DACH2: variants seen among roughly 807,000 people sequenced by gnomAD.
The protein encoded by DACH2 is dachshund homolog 2.
DACH2 carries 17 observed loss-of-function variants against 35.8 expected under a neutral mutation model. That is an observed-to-expected ratio of 0.48 (90% CI 0.33 to 0.71). The LOEUF is 0.71. Among genes scored for constraint, DACH2 ranks in the 30% least tolerant of loss-of-function variants. The pLI is 0.02. For synonymous variants in DACH2, 195 were observed against 177.3 expected (o/e 1.10, Z -0.79); for missense variants, 469 against 472.7 (o/e 0.99, Z 0.07).
At chrX:86,720,850 G>A (rs1370771955) in intron 6 of DACH2, among the ~76,000 whole-genome samples, 1 of 112,675 alleles carries the variant, frequency 8.9e-6, no homozygotes, top group African/African-American at 3.2e-5. Flanking sequence ...AACTTCTGCT[G>A]GATATCCAAA....
intron 6 of DACH2, among the ~76,000 whole-genome samples, chrX:86,722,791 C>T (rs1404044913): frequency 9.0e-6 from 1 of 110,916 alleles, no homozygotes; most frequent in African/African-American, 3.3e-5. Flanking sequence ...AGGATATTGG[C>T]CTGTAGTTTC....
chrX:86,482,018 T>A (rs1324915355), intron 2 of DACH2, among the ~76,000 whole-genome samples: 2 of 112,204 alleles, frequency 1.8e-5, no homozygotes, highest in Admixed American at 1.9e-4. Context: ...AAATTTTAAA[T>A]CATGATCAAC....
chrX:86,655,586 T>G (rs1350297322), intron 4 of DACH2, among the ~76,000 whole-genome samples: 1 of 111,489 alleles, frequency 9.0e-6, no homozygotes, highest in Non-Finnish European at 1.9e-5. Flanking sequence ...TGAATATGAT[T>G]CTCAACAAAA....
rs1423625183 is a variant in DACH2 at position 86,832,328 on chromosome X, T to C, written c.*173T>C. The C allele has an allele frequency of 1.4e-5, 6 of 425,472 alleles. No homozygotes were observed. The highest frequency in any genetic ancestry group is 7.9e-6 in the Non-Finnish European group (2 of 252,266). 35.1% of individuals were successfully genotyped at this position (425,472 alleles called of 1,213,427 possible). On this transcript the variant is annotated 3_prime_UTR_variant, in exon 12 of 12. Transcript: ENST00000373125. ...AAACGCGTGTACATTTTAAAAGCAATGATGTAAACTTTGTTCTTGCATTAG... is the reference window on the plus strand; with the variant it reads ...AAACGCGTGTACATTTTAAAAGCAACGATGTAAACTTTGTTCTTGCATTAG...
chrX:86,629,700 T>A (rs1351609952), intron 3 of DACH2, among the ~76,000 whole-genome samples: 3 of 106,809 alleles, frequency 2.8e-5, no homozygotes, highest in African/African-American at 1.0e-4. Context: ...CTGAGCAATA[T>A]GGTGAAACCC....
intron 1 of DACH2, among the ~76,000 whole-genome samples, chrX:86,355,820 G>A (rs370327198): frequency 1.8e-5 from 2 of 111,746 alleles, no homozygotes; most frequent in African/African-American, 6.5e-5. Context: ...TTGGCCACAT[G>A]TAAAGGTCTT....
At chrX:86,725,224 A>G (rs1350536773) in intron 6 of DACH2, among the ~76,000 whole-genome samples, 1 of 110,716 alleles carries the variant, frequency 9.0e-6, no homozygotes, top group African/African-American at 3.3e-5. Flanking sequence ...ACAATTTTTT[A>G]TGGTTTTATT....
Position 86,307,213 on chromosome X carries a change from G to A in DACH2, c.489-69611G>A, listed in dbSNP as rs372341273. Among the ~76,000 whole-genome samples, 18 of 111,946 alleles carry A rather than the reference G, an allele frequency of 1.6e-4. No individual in the cohort carries two copies. In the South Asian group the frequency reaches 6.3e-3, roughly 39 times the overall value. ...AGGATTCTGTCTCCTGGCTTCAGAAGCAGATACTGAGCCTCAAATCTGCTA... is the reference window on the plus strand; with the variant it reads ...AGGATTCTGTCTCCTGGCTTCAGAAACAGATACTGAGCCTCAAATCTGCTA... On this transcript the variant is annotated intron_variant, in intron 1 of 11. Coordinates refer to ENST00000373125, the MANE Select transcript of DACH2 (RefSeq NM_053281.3).
intron 2 of DACH2, among the ~76,000 whole-genome samples, chrX:86,432,112 A>C (rs940108149): frequency 1.8e-5 from 2 of 112,358 alleles, no homozygotes; most frequent in African/African-American, 6.4e-5. Flanking sequence ...CATGCTCAGC[A>C]TGCTGGCTGC....
intron 11 of DACH2, chrX:86,827,755 T>A: frequency 8.6e-7 from 1 of 1,166,148 alleles, no homozygotes; most frequent in Admixed American, 2.6e-5. Flanking sequence ...CTTATTGTTT[T>A]TTCTGTGCAG....
intron 1 of DACH2, among the ~76,000 whole-genome samples, chrX:86,276,416 A>T (rs1483978542): frequency 9.0e-6 from 1 of 111,638 alleles, no homozygotes; most frequent in Non-Finnish European, 1.9e-5. Flanking sequence ...AGCTCCTTAT[A>T]TATTCTTCTT....
intron 6 of DACH2, among the ~76,000 whole-genome samples, chrX:86,735,381 T>C (rs1489876816): frequency 8.9e-6 from 1 of 111,866 alleles, no homozygotes; most frequent in Admixed American, 9.5e-5. Flanking sequence ...AAAAACTAAA[T>C]TTTCTAAACA....
intron 1 of DACH2, among the ~76,000 whole-genome samples, chrX:86,359,957 G>A (rs763579879): frequency 5.5e-5 from 6 of 108,990 alleles, no homozygotes; most frequent in Admixed American, 2.0e-4. Flanking sequence ...ATCACCGCTC[G>A]CTGCAGCCTT....
At chrX:86,485,769 T>A (rs1004340911) in intron 2 of DACH2, among the ~76,000 whole-genome samples, 1 of 111,624 alleles carries the variant, frequency 9.0e-6, no homozygotes, top group Non-Finnish European at 1.9e-5. Context: ...CTTTTAACTG[T>A]TTTTCCCACA....
At chrX:86,167,192 C>A (rs2030971653) in intron 1 of DACH2, among the ~76,000 whole-genome samples, 1 of 111,422 alleles carries the variant, frequency 9.0e-6, no homozygotes, top group Non-Finnish European at 1.9e-5. Flanking sequence ...ACGTCCCAAG[C>A]TTTTCTTCAC....
At chrX:86,704,035 C>G in intron 5 of DACH2, among the ~76,000 whole-genome samples, 1 of 112,313 alleles carries the variant, frequency 8.9e-6, no homozygotes, top group Non-Finnish European at 1.9e-5. Context: ...GGAGAGCCAT[C>G]ACATTGCTGG....
intron 1 of DACH2, among the ~76,000 whole-genome samples, chrX:86,336,115 GA>G (rs778299255): frequency 6.3e-5 from 7 of 111,674 alleles, no homozygotes; most frequent in Non-Finnish European, 1.3e-4. Flanking sequence ...GATCATGGTG[GA>G]TAAGCTTTTT....
chrX:86,346,168 G>A (rs753076362), intron 1 of DACH2, among the ~76,000 whole-genome samples: 11 of 110,986 alleles, frequency 9.9e-5, no homozygotes, highest in Non-Finnish European at 1.9e-4. Context: ...ATATTTACTT[G>A]AGTACTAGTA....
chrX:86,259,607 A>G (rs1333502390), intron 1 of DACH2, among the ~76,000 whole-genome samples: 1 of 111,898 alleles, frequency 8.9e-6, no homozygotes, highest in African/African-American at 3.2e-5. Flanking sequence ...TTGATTTTTA[A>G]AAGGATTACA....
Sources: gnomAD v4.1 joint callset for allele counts (sites outside exome capture counted in the v4.1 genomes callset) on GRCh38, gnomAD v4.1.1 for gene constraint, MANE v1.5 for transcripts, NCBI Gene and HGNC (gene_info 2026-07-23, HGNC 2026-07-21) for gene names.